Variants in RSAD2 observed in about 807,000 individuals in gnomAD.
The protein encoded by RSAD2 is radical S-adenosyl methionine domain containing 2, also known as S-adenosylmethionine-dependent nucleotide dehydratase RSAD2.
RSAD2 carries 38 observed loss-of-function variants against 37.7 expected under a neutral mutation model. The ratio of observed to expected loss-of-function variants is 1.01; its 90% CI spans 0.78 to 1.32. RSAD2 has a LOEUF of 1.32. Ranked by LOEUF, RSAD2 falls within the 40% of genes most tolerant of loss-of-function variation. The pLI, the probability that RSAD2 is intolerant of heterozygous loss-of-function variation, is 0.00. For missense variants in RSAD2, 428 were observed against 437.5 expected, an observed-to-expected ratio of 0.98 and a Z score of 0.19; for synonymous variants, 163 against 157.4, an observed-to-expected ratio of 1.04 and a Z score of -0.27.
intron 1 of RSAD2, among the ~76,000 whole-genome samples, chr2:6,881,188 T>TATA (rs1215101890): frequency 6.6e-6 from 1 of 152,206 alleles, no homozygotes; most frequent in Non-Finnish European, 1.5e-5. Flanking sequence ...ATCACCACAC[T>TATA]TCTTAGGTAA....
chr2:6,868,979 T>C (rs946109693), intron 1 of RSAD2, among the ~76,000 whole-genome samples: 3 of 152,228 alleles, frequency 2.0e-5, no homozygotes, highest in Non-Finnish European at 4.4e-5. Context: ...AGATTAACGA[T>C]GTGCACCTCA....
upstream of RSAD2, among the ~76,000 whole-genome samples, chr2:6,873,098 T>C (rs996965706): frequency 1.1e-4 from 16 of 152,180 alleles, no homozygotes; most frequent in African/African-American, 3.9e-4. Flanking sequence ...TCAACCTTTT[T>C]GTCATCTCCT....
At position 6,896,928 on chromosome 2, in the gene RSAD2, A is replaced by T. The variant is rs747094304; in HGVS notation, c.*986A>T. The T allele has an allele frequency of 6.6e-6, 1 of 152,208 alleles. No homozygotes were observed. The highest frequency in any genetic ancestry group is 1.5e-5 in the Non-Finnish European group (1 of 68,064). The allele number at this position is 152,208 out of a possible 1,614,324, so 9.4% of individuals were successfully genotyped here. A position where few individuals can be genotyped will look rare whatever the true frequency, so the allele number is the denominator to read the frequency against. ...AGCTGGTTGGCCCTACATCTCTGAG[A>T]AGTGACGGCACACTGGGTTGGCATA... On this transcript the variant is annotated 3_prime_UTR_variant, in exon 6 of 6. Transcript: ENST00000382040.
intron 3 of RSAD2, among the ~76,000 whole-genome samples, chr2:6,889,050 T>G (rs186732301): frequency 6.6e-6 from 1 of 152,348 alleles, no homozygotes; most frequent in Non-Finnish European, 1.5e-5. Context: ...ATTGTTCCCC[T>G]TCCAGCTCCT....
At position 6,878,080 on chromosome 2, in the gene RSAD2, GC is replaced by G. The variant is rs1313290205; in HGVS notation, c.282del (p.Thr96HisfsTer45). The G allele has an allele frequency of 2.5e-6, 4 of 1,614,094 alleles. No homozygotes were observed. ...CAAATGCGGCTTCTGTTTCCACACA[GC>G]CAAAACATCCTTTGTGCTGCCCCTT... is the stretch of plus-strand genomic sequence containing the variant. ...NYKCGFCFHT[A>X]KTSFVLPLEE... On this transcript the variant is annotated frameshift_variant, in exon 1 of 6. Transcript: ENST00000382040. LOFTEE classifies it high-confidence loss of function.
At chr2:6,874,455 T>G (rs149493123), upstream of RSAD2, among the ~76,000 whole-genome samples, 1 of 152,240 alleles carries the variant, frequency 6.6e-6, no homozygotes, top group Non-Finnish European at 1.5e-5. Flanking sequence ...TTTCTTGCAA[T>G]TATTTCTACA....
upstream of RSAD2, among the ~76,000 whole-genome samples, chr2:6,874,159 C>T (rs769927042): frequency 6.6e-6 from 1 of 152,136 alleles, no homozygotes; most frequent in Non-Finnish European, 1.5e-5. Context: ...CTTGCTCCTG[C>T]TCTGGACATG....
At chr2:6,881,130 G>A (rs551691995) in intron 1 of RSAD2, among the ~76,000 whole-genome samples, 2 of 152,096 alleles carry the variant, frequency 1.3e-5, no homozygotes, top group East Asian at 1.9e-4. Flanking sequence ...TTGTGCCACT[G>A]GCCAGGACCC....
chr2:6,890,371 T>C lies in RSAD2; in HGVS notation c.888+46T>C, dbSNP rs773672055. 71 of 1,597,264 alleles carry C rather than the reference T, an allele frequency of 4.4e-5. 1 individual carries two copies. The South Asian group carries it at 5.0e-4, about 11-fold the overall frequency. ...TTTTCTTTGTCATCATACATTCAGA[T>C]TGATTCCCAAAAGGGAAGTCTCTCA... On this transcript the variant is annotated intron_variant, in intron 4 of 5. Transcript: ENST00000382040.
rs944268449 is a variant in RSAD2, at chr2:6,891,698, CGGA to C, written c.888+1375_888+1377del. Among the ~76,000 whole-genome samples the C allele has an allele frequency of 7.2e-5, 11 of 152,202 alleles. No homozygotes were observed. In the South Asian group the frequency reaches 2.3e-3, roughly 32 times the overall value. On this transcript the variant is annotated intron_variant, in intron 4 of 5. Transcript: ENST00000382040. Reference sequence around the variant, plus strand: ...AGGAGAATGGTGTGAACCCGGGAGGCGGAGCTTGCAATGAGCGGAGATCGCTCA... The same window carrying C: ...AGGAGAATGGTGTGAACCCGGGAGGCGCTTGCAATGAGCGGAGATCGCTCA...
At chr2:6,895,195 C>G (rs542234087) in intron 5 of RSAD2, among the ~76,000 whole-genome samples, 1 of 152,344 alleles carries the variant, frequency 6.6e-6, no homozygotes, top group African/African-American at 2.4e-5. Context: ...ATGGAAGACT[C>G]TTCTTGATCT....
At chr2:6,893,517 C>G (rs146461251) in intron 4 of RSAD2, among the ~76,000 whole-genome samples, 154 bp from the exon 5 acceptor site, 30 of 152,276 alleles carry the variant, frequency 2.0e-4, no homozygotes, top group African/African-American at 6.5e-4. Context: ...ACAAACAGAG[C>G]CTTGTCTTGT....
In RSAD2 at chr2:6,896,244, C is replaced by A; in HGVS notation, c.*302C>A. 1 of 249,170 alleles carries A rather than the reference C, an allele frequency of 4.0e-6. No homozygotes were observed. The highest frequency in any genetic ancestry group is 7.7e-6 in the Non-Finnish European group (1 of 129,150). The allele number at this position is 249,170 out of a possible 1,614,324, so 15.4% of individuals were successfully genotyped here. On this transcript the variant is annotated 3_prime_UTR_variant, in exon 6 of 6. Transcript: ENST00000382040. ...GGAATACACACAGGAATAATGACCC[C>A]AAAAATGCTTAGATAAGGCCCCTAT...
intron 1 of RSAD2, chr2:6,878,668 C>G (rs1412403137): frequency 4.5e-6 from 1 of 223,680 alleles, no homozygotes; most frequent in Non-Finnish European, 8.6e-6. Context: ...ACAAATATGT[C>G]AAGGACTTAG....
At chr2:6,893,846 T>C in intron 5 of RSAD2, 143 bp downstream of exon 5, 2 of 626,372 alleles carry the variant, frequency 3.2e-6, no homozygotes, top group East Asian at 2.8e-5. Context: ...TCAGTGATTA[T>C]GATTATGCCA....
upstream of RSAD2, among the ~76,000 whole-genome samples, chr2:6,876,340 T>C (rs755077921): frequency 6.6e-6 from 1 of 152,170 alleles, no homozygotes; most frequent in Non-Finnish European, 1.5e-5. Flanking sequence ...TTTCCTAGCC[T>C]ATTTTAACAG....
chr2:6,881,212 T>C (rs1430790628), intron 1 of RSAD2, among the ~76,000 whole-genome samples: 1 of 152,224 alleles, frequency 6.6e-6, no homozygotes. Context: ...TGTTTTGTTT[T>C]GTTTTCGGGT....
At position 6,868,813 on chromosome 2, in the gene RSAD2, C is replaced by G. The variant is rs565123756; in HGVS notation, c.142+2768C>G. 2.6e-5 allele frequency among the ~76,000 whole-genome samples: 4 copies of G among 152,304 alleles called. No individual in the cohort carries two copies. In the South Asian group the frequency reaches 8.3e-4, roughly 32 times the overall value. ...GTCCAGCTGCTCACCCCTTGCATAT[C>G]TCCACAGGAGCCTCAAACCATGATT... On this transcript the variant is annotated intron_variant, in intron 1 of 5. Transcript: ENST00000442639.
In RSAD2 at chr2:6,897,548, G is replaced by T. The variant is rs1663802806; in HGVS notation, c.*1606G>T. ...TGTCTCATCCAGGATAGGATAGGTT[G>T]TCTTCTATTTTCCATTTTACCTATT... On this transcript the variant is annotated 3_prime_UTR_variant, in exon 6 of 6. Transcript: ENST00000382040. The T allele has an allele frequency of 6.6e-6, 1 of 152,118 alleles. No homozygotes were observed. Among genetic ancestry groups the T allele is most frequent in the Non-Finnish European group, 1.5e-5 (1 of 68,014 alleles). 9.4% of individuals were successfully genotyped at this position (152,118 alleles called of 1,614,324 possible). A position where few individuals can be genotyped will look rare whatever the true frequency, so the allele number is the denominator to read the frequency against.
Sources: gnomAD v4.1 joint callset for allele counts (sites outside exome capture counted in the v4.1 genomes callset) on GRCh38, gnomAD v4.1.1 for gene constraint, MANE v1.5 for transcripts, NCBI Gene and HGNC (gene_info 2026-07-23, HGNC 2026-07-21) for gene names.